The following LINGO2 variants were observed in gnomAD, a reference collection of about 807,000 sequenced individuals.
The protein encoded by LINGO2 is leucine rich repeat and Ig domain containing 2, also known as leucine-rich repeat and immunoglobulin-like domain-containing nogo receptor-interacting protein 2.
A neutral mutation model predicts 30.6 loss-of-function variants in LINGO2; 14 were observed. That is an observed-to-expected ratio of 0.46 (90% CI 0.30 to 0.72). The LOEUF (loss-of-function observed/expected upper bound fraction) is 0.72. Among genes scored for constraint, LINGO2 ranks in the 30% least tolerant of loss-of-function variants. The probability of loss-of-function intolerance (pLI) is 0.07; values close to 1 mark genes in which losing one functional copy is unlikely to be tolerated. For missense variants in LINGO2, 729 were observed against 751.7 expected (o/e 0.97, Z 0.35); for synonymous variants, 317 against 288.5 (o/e 1.10, Z -1.00).
the LINGO2 span, among the ~76,000 whole-genome samples, chr9:28,989,559 A>C: frequency 6.6e-6 from 1 of 152,160 alleles, no homozygotes; most frequent in Non-Finnish European, 1.5e-5. Context: ...ATATGATTTT[A>C]GGCAGTCACT....
chr9:28,898,883 T>C, the LINGO2 span, among the ~76,000 whole-genome samples: 1 of 152,138 alleles, frequency 6.6e-6, no homozygotes, highest in Non-Finnish European at 1.5e-5. Flanking sequence ...TGAGTTTACC[T>C]ATATATAACA....
At chr9:28,971,391 T>C in the LINGO2 span, among the ~76,000 whole-genome samples, 1 of 152,064 alleles carries the variant, frequency 6.6e-6, no homozygotes, top group African/African-American at 2.4e-5. Context: ...GACCTGCCCA[T>C]TGCCAGAAGG....
At chr9:28,244,070 T>G (rs562822333) in intron 4 of LINGO2, among the ~76,000 whole-genome samples, 1 of 149,196 alleles carries the variant, frequency 6.7e-6, no homozygotes, top group Non-Finnish European at 1.5e-5. Flanking sequence ...GACCACATAA[T>G]TGGAAGTAAA....
At chr9:28,231,981 T>A (rs1427416006) in intron 4 of LINGO2, among the ~76,000 whole-genome samples, 1 of 152,136 alleles carries the variant, frequency 6.6e-6, no homozygotes, top group Admixed American at 6.5e-5. Flanking sequence ...TTTAAAGTAA[T>A]AAAATCAGTA....
At chr9:28,313,146 G>T (rs1261457536) in intron 3 of LINGO2, among the ~76,000 whole-genome samples, 1 of 152,122 alleles carries the variant, frequency 6.6e-6, no homozygotes, top group Non-Finnish European at 1.5e-5. Flanking sequence ...GTTTTGTAAC[G>T]AGACTACATA....
At chr9:28,648,325 T>C (rs1161489494) in intron 1 of LINGO2, among the ~76,000 whole-genome samples, 1 of 152,128 alleles carries the variant, frequency 6.6e-6, no homozygotes, top group East Asian at 1.9e-4. Context: ...TGACATTAAA[T>C]TTATATTAAC....
chr9:28,169,076 A>G (rs1362394642), intron 4 of LINGO2, among the ~76,000 whole-genome samples: 1 of 152,228 alleles, frequency 6.6e-6, no homozygotes, highest in Non-Finnish European at 1.5e-5. Flanking sequence ...CACACACAAA[A>G]GCCACCAAAA....
intron 4 of LINGO2, among the ~76,000 whole-genome samples, chr9:28,109,951 T>A (rs1826723845): frequency 1.3e-5 from 2 of 151,876 alleles, no homozygotes; most frequent in African/African-American, 4.8e-5. Flanking sequence ...ATTCTAAGCA[T>A]AAAGAACAAA....
intron 1 of LINGO2, among the ~76,000 whole-genome samples, chr9:28,498,754 T>C (rs1219676773): frequency 1.3e-5 from 2 of 152,180 alleles, no homozygotes; most frequent in African/African-American, 4.8e-5. Context: ...TCGCTCATGC[T>C]GGGAGCTGTA....
chr9:28,323,160 G>T (rs993677555), intron 3 of LINGO2, among the ~76,000 whole-genome samples: 1 of 152,126 alleles, frequency 6.6e-6, no homozygotes, highest in Admixed American at 6.6e-5. Context: ...TGTTATATAT[G>T]CACAGAAAAA....
At chr9:28,304,533 C>G (rs1309041405) in intron 3 of LINGO2, among the ~76,000 whole-genome samples, 1 of 151,888 alleles carries the variant, frequency 6.6e-6, no homozygotes, top group East Asian at 1.9e-4. Context: ...AGAAAGCTTC[C>G]TCATATCTCT....
At chr9:29,012,792 T>G in the LINGO2 span, among the ~76,000 whole-genome samples, 36 of 152,290 alleles carry the variant, frequency 2.4e-4, no homozygotes, top group South Asian at 6.0e-3. Flanking sequence ...CTTTTGCTTT[T>G]TGTAACCTGA....
intron 1 of LINGO2, among the ~76,000 whole-genome samples, chr9:28,638,685 T>G (rs1369776924): frequency 6.6e-6 from 1 of 152,120 alleles, no homozygotes; most frequent in Non-Finnish European, 1.5e-5. Flanking sequence ...TCATTTCTTA[T>G]TGCATCTATT....
chr9:28,493,242 T>G (rs1252929314), intron 1 of LINGO2, among the ~76,000 whole-genome samples: 1 of 152,214 alleles, frequency 6.6e-6, no homozygotes, highest in Admixed American at 6.6e-5. Flanking sequence ...AGGGAATCCC[T>G]TTGTTAATAC....
chr9:28,686,920 T>C, the LINGO2 span, among the ~76,000 whole-genome samples: 20 of 152,182 alleles, frequency 1.3e-4, no homozygotes, highest in East Asian at 3.7e-3. Flanking sequence ...AAGACGCCTT[T>C]AAAAGATCTT....
the LINGO2 span, among the ~76,000 whole-genome samples, chr9:28,926,853 C>T: frequency 6.6e-6 from 1 of 152,102 alleles, no homozygotes; most frequent in African/African-American, 2.4e-5. Flanking sequence ...TTTTCACTTA[C>T]ACTCCCTGCC....
At chr9:28,478,591 T>C (rs187217671) in intron 1 of LINGO2, among the ~76,000 whole-genome samples, 18 of 152,214 alleles carry the variant, frequency 1.2e-4, no homozygotes, top group Non-Finnish European at 2.1e-4. Context: ...ATTCCTATTG[T>C]ATATTTCTGT....
the LINGO2 span, among the ~76,000 whole-genome samples, chr9:28,912,217 T>A: frequency 6.6e-6 from 1 of 152,060 alleles, no homozygotes; most frequent in Admixed American, 6.6e-5. Context: ...AAGTGAAAAA[T>A]GAAAACCTGG....
intron 2 of LINGO2, among the ~76,000 whole-genome samples, chr9:28,397,356 TATATATATATATATATAC>T (rs1013506740): frequency 4.1e-4 from 6 of 14,526 alleles, no homozygotes; most frequent in Admixed American, 5.8e-4. Flanking sequence ...TGTTTTGAAG[TATATATATATATATATAC>T]ATATATATAT....
Sources: gnomAD v4.1 joint callset for allele counts (sites outside exome capture counted in the v4.1 genomes callset) on GRCh38, gnomAD v4.1.1 for gene constraint, MANE v1.5 for transcripts, NCBI Gene and HGNC (gene_info 2026-07-23, HGNC 2026-07-21) for gene names.